The following KDM1A variants were observed in gnomAD, a reference collection of about 807,000 sequenced individuals.
The protein encoded by KDM1A is lysine-specific histone demethylase 1A.
In KDM1A, 49 loss-of-function variants were observed where a neutral mutation model predicts 109.4. That is an observed-to-expected ratio of 0.45 (90% CI 0.36 to 0.57). KDM1A has a LOEUF of 0.57. KDM1A is among the 20% of genes least tolerant of loss of function. KDM1A has a pLI of 0.00. For synonymous variants in KDM1A, 380 were observed against 415.4 expected (o/e 0.91, Z 1.04); for missense variants, 668 against 1,116.6 (o/e 0.60, Z 5.73).
At chr1:23,076,001 A>C (rs1003805022) in intron 15 of KDM1A, among the ~76,000 whole-genome samples, 1 of 152,232 alleles carries the variant, frequency 6.6e-6, no homozygotes, top group Non-Finnish European at 1.5e-5. Flanking sequence ...TGATAGTTTT[A>C]GTATTTGAAG....
chr1:23,026,336 A>G, intron 1 of KDM1A, among the ~76,000 whole-genome samples: 1 of 151,832 alleles, frequency 6.6e-6, no homozygotes, highest in Non-Finnish European at 1.5e-5. Flanking sequence ...ATAGGAATGC[A>G]ACGTGAAAGG....
intron 9 of KDM1A, among the ~76,000 whole-genome samples, chr1:23,064,099 G>A (rs1643094746): frequency 6.6e-6 from 1 of 152,156 alleles, no homozygotes; most frequent in Non-Finnish European, 1.5e-5. Flanking sequence ...ATATTGCCCA[G>A]GCTGGTCTCA....
At chr1:23,029,859 C>G (rs571825634) in intron 1 of KDM1A, among the ~76,000 whole-genome samples, 13 of 152,296 alleles carry the variant, frequency 8.5e-5, no homozygotes, top group African/African-American at 2.9e-4. Flanking sequence ...AGGTTGGTCT[C>G]GAACTCCTGA....
chr1:23,059,049 T>G (rs774938743), intron 8 of KDM1A, 24 bp from the exon 9 acceptor site: 5 of 1,527,870 alleles, frequency 3.3e-6, no homozygotes, highest in Non-Finnish European at 3.6e-6. Flanking sequence ...TCTATTGAAT[T>G]TAATTGCTTG....
Position 23,030,489 on chromosome 1 carries a change from T to C in KDM1A, c.372T>C (p.Asp124=), listed in dbSNP as rs771350880. Residue 124 remains aspartate, a synonymous_variant, in exon 2 of 21, where the codon GAT becomes GAC. Transcript: ENST00000400181. ...KRAKVEYREM[D]ESLANLSEDE... ...TATAGGTAGAGTACAGAGAGATGGA[T>C]GAAAGCTTGGCCAACCTCTCAGAAG... 4 of 1,595,654 alleles carry C rather than the reference T, an allele frequency of 2.5e-6. No individual in the cohort carries two copies. In the Admixed American group the frequency reaches 5.5e-5, roughly 22 times the overall value.
At position 23,068,697 on chromosome 1, in the gene KDM1A, C is replaced by A; in HGVS notation, c.1322+16C>A. ...TTGTCATTCAGTAAGTACTTTGATA[C>A]TGCTTATTGTATAGTGAGTTCCATG... On this transcript the variant is annotated intron_variant, in intron 11 of 20. Transcript: ENST00000400181. 1 of 1,528,342 alleles carries A rather than the reference C, an allele frequency of 6.5e-7. No homozygotes were observed. Among genetic ancestry groups the A allele is most frequent in the Admixed American group, 2.4e-5 (1 of 41,674 alleles). 94.7% of individuals were successfully genotyped at this position (1,528,342 alleles called of 1,614,324 possible). A position where few individuals can be genotyped will look rare whatever the true frequency, so the allele number is the denominator to read the frequency against.
intron 1 of KDM1A, among the ~76,000 whole-genome samples, chr1:23,021,691 G>T (rs1395791219): frequency 6.6e-6 from 1 of 151,998 alleles, no homozygotes; most frequent in Non-Finnish European, 1.5e-5. Flanking sequence ...AGGCTTATTG[G>T]GATAATGCAT....
Position 23,073,368 on chromosome 1 carries a change from CCT to C in KDM1A, c.1705_1706del (p.Ser569AsnfsTer5). ...FANLEFANAT[P>X]LSTLSLKHWD... is the part of the protein sequence containing the mutation. ...AAATCTTGAATTTGCTAATGCCACA[CCT>C]CTCTCAACTCTCTCCCTTAAGCACT... On this transcript the variant is annotated frameshift_variant, in exon 15 of 21. Coordinates refer to ENST00000400181, the MANE Select transcript of KDM1A (RefSeq NM_001009999.3). LOFTEE classifies it high-confidence loss of function. 2 of 1,610,758 alleles carry C rather than the reference CCT, an allele frequency of 1.2e-6. No homozygotes were observed. The highest frequency in any genetic ancestry group is 1.7e-6 in the Non-Finnish European group (2 of 1,177,128).
At chr1:23,064,979 A>G (rs1362552829) in intron 9 of KDM1A, among the ~76,000 whole-genome samples, 1 of 152,184 alleles carries the variant, frequency 6.6e-6, no homozygotes, top group Admixed American at 6.5e-5. Context: ...CCTTTCCCCA[A>G]AAATGTTTCT....
In KDM1A at chr1:23,068,677, A is replaced by G; in HGVS notation, c.1318A>G (p.Ile440Val). ...CCTTGGCCAGGCATTGGAAGTTGTCATTCAGTAAGTACTTTGATACTGCTT... is the reference window on the plus strand; with the variant it reads ...CCTTGGCCAGGCATTGGAAGTTGTCGTTCAGTAAGTACTTTGATACTGCTT... ...VSLGQALEVV[I>V]QLQEKHVKDE... Residue 440 changes from isoleucine (I) to valine (V), a missense_variant, in exon 11 of 21, where the codon ATT (isoleucine) becomes GTT (valine). Physicochemically the swap from Ile to Val is conservative, Grantham distance 29. Coordinates refer to ENST00000400181, the MANE Select transcript of KDM1A (RefSeq NM_001009999.3). 6.4e-7 allele frequency: 1 copy of G among 1,555,462 alleles called. No individual in the cohort carries two copies. The highest frequency in any genetic ancestry group is 8.6e-7 in the Non-Finnish European group (1 of 1,160,894).
intron 1 of KDM1A, among the ~76,000 whole-genome samples, chr1:23,028,122 A>T (rs972895405): frequency 6.6e-6 from 1 of 152,178 alleles, no homozygotes; most frequent in Admixed American, 6.5e-5. Flanking sequence ...TGTTGAAAAG[A>T]TTGTTTTTGA....
At chr1:23,057,217 A>T (rs1642856308) in intron 7 of KDM1A, among the ~76,000 whole-genome samples, 1 of 152,210 alleles carries the variant, frequency 6.6e-6, no homozygotes, top group African/African-American at 2.4e-5. Flanking sequence ...TCCAGCTGTC[A>T]AGACTGTTTT....
chr1:23,037,009 GT>G (rs1348934531), intron 2 of KDM1A, among the ~76,000 whole-genome samples: 1 of 152,064 alleles, frequency 6.6e-6, no homozygotes, highest in Non-Finnish European at 1.5e-5. Context: ...GCCTGGTGTG[GT>G]GCATGCCTGT....
At chr1:23,072,899 C>T (rs1481220248) in intron 14 of KDM1A, among the ~76,000 whole-genome samples, 3 of 152,182 alleles carry the variant, frequency 2.0e-5, no homozygotes, top group African/African-American at 7.2e-5. Flanking sequence ...CTCGACCTCC[C>T]AAAGTGCTGG....
Position 23,060,741 on chromosome 1 carries a change from G to A in KDM1A, c.1167+1574G>A, listed in dbSNP as rs577360440. Among the ~76,000 whole-genome samples, 44 of 152,296 alleles carry A rather than the reference G, an allele frequency of 2.9e-4. No homozygotes were observed. In the South Asian group the frequency reaches 8.9e-3, roughly 31 times the overall value. On this transcript the variant is annotated intron_variant, in intron 9 of 20. Coordinates refer to ENST00000400181, the MANE Select transcript of KDM1A (RefSeq NM_001009999.3). ...AGGGTAGGAAGATAGAAAGTTTAGGGTGGGGCCATGTGGTGGTGGATGTTA... is the reference window on the plus strand; with the variant it reads ...AGGGTAGGAAGATAGAAAGTTTAGGATGGGGCCATGTGGTGGTGGATGTTA...
intron 4 of KDM1A, among the ~76,000 whole-genome samples, chr1:23,053,509 C>T (rs1331645984): frequency 6.6e-6 from 1 of 152,132 alleles, no homozygotes; most frequent in Non-Finnish European, 1.5e-5. Context: ...CCTTAGCCTC[C>T]TAAGTAGCTG....
At chr1:23,050,981 A>G (rs985658871) in intron 4 of KDM1A, among the ~76,000 whole-genome samples, 1 of 152,192 alleles carries the variant, frequency 6.6e-6, no homozygotes, top group African/African-American at 2.4e-5. Context: ...GCTACTTGAG[A>G]GGCTGAAGCA....
rs61780492 is a variant in KDM1A at position 23,064,281 on chromosome 1, T to C, written c.1168-1779T>C. Among the ~76,000 whole-genome samples, 1,310 of 152,358 alleles carry C rather than the reference T, an allele frequency of 8.6e-3. 11 individuals are homozygous for C. Among genetic ancestry groups the C allele is most frequent in the Middle Eastern group, 0.017 (5 of 294 alleles). ...CATTTCCCTTGGCTGTTGAGGAGAA[T>C]CTGAATTAGAGACTCTTCAGAAGTA... On this transcript the variant is annotated intron_variant, in intron 9 of 20. Transcript: ENST00000400181.
At chr1:23,042,841 C>T (rs1642392709) in intron 2 of KDM1A, among the ~76,000 whole-genome samples, 1 of 151,984 alleles carries the variant, frequency 6.6e-6, no homozygotes, top group South Asian at 2.1e-4. Flanking sequence ...CTCTGCCCCC[C>T]AGGTTCAAGT....
Sources: gnomAD v4.1 joint callset for allele counts (sites outside exome capture counted in the v4.1 genomes callset) on GRCh38, gnomAD v4.1.1 for gene constraint, MANE v1.5 for transcripts, NCBI Gene and HGNC (gene_info 2026-07-23, HGNC 2026-07-21) for gene names.